MAST4: variants seen among roughly 807,000 people sequenced by gnomAD.
MAST4 encodes the protein microtubule-associated serine/threonine-protein kinase 4.
MAST4 carries 89 observed loss-of-function variants against 162.7 expected under a neutral mutation model. The ratio of observed to expected loss-of-function variants is 0.55; its 90% confidence interval spans 0.46 to 0.65. The LOEUF is 0.65. Ranked by LOEUF, MAST4 falls within the 30% of genes least tolerant of loss-of-function variation. The pLI, the probability that MAST4 is intolerant of heterozygous loss-of-function variation, is 0.00. For missense variants in MAST4, 3,153 were observed against 3,374.0 expected, an observed-to-expected ratio of 0.93 and a Z score of 1.62; for synonymous variants, 1,479 against 1,361.1, an observed-to-expected ratio of 1.09 and a Z score of -1.91.
rs1554049949 is a variant in MAST4, at chr5:66,760,077, C to CTATTTATT, written c.517+257_517+264dup. Reference sequence around the variant, plus strand: ...AATTTACATGCAGTGACAATATCCCCTATTTATTTATTTATTTATTTATTT... The same window carrying CTATTTATT: ...AATTTACATGCAGTGACAATATCCCCTATTTATTTATTTATTTATTTATTTATTTATTT... On this transcript the variant is annotated intron_variant, in intron 2 of 28. Transcript: ENST00000403625. Among the ~76,000 whole-genome samples, 402 of 147,244 alleles carry CTATTTATT rather than the reference C, an allele frequency of 2.7e-3. 2 individuals carry two copies. Among genetic ancestry groups the CTATTTATT allele is most frequent in the Admixed American group, 6.9e-3 (101 of 14,740 alleles).
At chr5:66,919,873 T>A (rs1036013061) in intron 4 of MAST4, among the ~76,000 whole-genome samples, 1 of 152,028 alleles carries the variant, frequency 6.6e-6, no homozygotes, top group Non-Finnish European at 1.5e-5. Context: ...TGGAACTCTT[T>A]CGCTCTCTTT....
intron 1 of MAST4, among the ~76,000 whole-genome samples, chr5:66,601,690 G>A (rs984801162): frequency 7.9e-5 from 12 of 152,208 alleles, no homozygotes; most frequent in Non-Finnish European, 1.2e-4. Flanking sequence ...GTTAGGTGTG[G>A]AGGAGAGAAG....
chr5:66,909,306 G>A (rs1055473930), intron 4 of MAST4, among the ~76,000 whole-genome samples: 2 of 152,136 alleles, frequency 1.3e-5, no homozygotes, highest in Non-Finnish European at 2.9e-5. Flanking sequence ...TTATTAGGCC[G>A]TGAAGGAACT....
chr5:67,104,584 C>G lies in MAST4; in HGVS notation c.1356+9C>G, dbSNP rs1385883481. On this transcript the variant is annotated intron_variant, in intron 10 of 28. Transcript: ENST00000403625. Reference sequence around the variant, plus strand: ...ATAAGTTGCTACAGGAGGTAAGAACCATGTACCATATAGTTTTCTGATTTA... The same window carrying G: ...ATAAGTTGCTACAGGAGGTAAGAACGATGTACCATATAGTTTTCTGATTTA... 14 of 1,606,842 alleles carry G rather than the reference C, an allele frequency of 8.7e-6. No homozygotes were observed. Among genetic ancestry groups the G allele is most frequent in the Non-Finnish European group, 1.0e-5 (12 of 1,175,248 alleles).
rs990484752 is a variant in MAST4, at chr5:66,623,396, A to G, written c.363+26378A>G. ...ACATAGATGCAAAAATCCTCAATAAAGTACTAGCAAATATCATTCAGTAGC... is the reference window on the plus strand; with the variant it reads ...ACATAGATGCAAAAATCCTCAATAAGGTACTAGCAAATATCATTCAGTAGC... On this transcript the variant is annotated intron_variant, in intron 1 of 28. Transcript: ENST00000403625. Among the ~76,000 whole-genome samples the G allele has an allele frequency of 3.3e-5, 5 of 152,234 alleles. 1 individual carries two copies. The highest frequency in any genetic ancestry group is 3.3e-4 in the Admixed American group (5 of 15,288).
chr5:67,147,897 A>G (rs770649775), intron 23 of MAST4, among the ~76,000 whole-genome samples: 1 of 152,222 alleles, frequency 6.6e-6, no homozygotes. Context: ...GAAGTCCATG[A>G]ATCTTTTCCT....
At chr5:66,845,119 A>G (rs1758738023) in intron 3 of MAST4, among the ~76,000 whole-genome samples, 1 of 135,222 alleles carries the variant, frequency 7.4e-6, no homozygotes, top group Admixed American at 7.4e-5. Flanking sequence ...ATATATATAT[A>G]TATATATACA....
At position 67,007,085 on chromosome 5, in the gene MAST4, T is replaced by TAAACC. The variant is rs1478056751; in HGVS notation, c.675-47318_675-47317insAACCA. 5.9e-5 allele frequency among the ~76,000 whole-genome samples: 9 copies of TAAACC among 152,326 alleles called. No homozygotes were observed. In the East Asian group the frequency reaches 1.7e-3, roughly 29 times the overall value. On this transcript the variant is annotated intron_variant, in intron 4 of 28. Transcript: ENST00000403625. The stretch of plus-strand genomic sequence containing the variant: ...CTAGCATTGCTTTATATTTATTATG[T>TAAACC]AGATTCAGAAGGCTAGGTATCCTCA...
intron 5 of MAST4, among the ~76,000 whole-genome samples, chr5:67,058,612 C>T (rs1244984904): frequency 1.3e-5 from 2 of 152,158 alleles, no homozygotes; most frequent in Admixed American, 1.3e-4. Flanking sequence ...GGTGGGCTTT[C>T]ATGTGCTGGT....
intron 4 of MAST4, among the ~76,000 whole-genome samples, chr5:66,951,393 T>A (rs1744655654): frequency 6.6e-6 from 1 of 152,178 alleles, no homozygotes; most frequent in Non-Finnish European, 1.5e-5. Context: ...TTGTCACATC[T>A]TCTTCTCTGT....
intron 3 of MAST4, among the ~76,000 whole-genome samples, chr5:66,844,358 G>A (rs994887727): frequency 7.9e-5 from 12 of 152,094 alleles, no homozygotes; most frequent in African/African-American, 2.7e-4. Context: ...TTTGGACATA[G>A]TATAAGAATG....
intron 5 of MAST4, among the ~76,000 whole-genome samples, chr5:67,084,800 G>T (rs1354855998): frequency 6.6e-6 from 1 of 151,992 alleles, no homozygotes; most frequent in Admixed American, 6.6e-5. Flanking sequence ...ATTTTACTTA[G>T]CATTGTTGAC....
At chr5:66,687,990 T>C (rs1748799742) in intron 1 of MAST4, among the ~76,000 whole-genome samples, 1 of 152,212 alleles carries the variant, frequency 6.6e-6, no homozygotes, top group Non-Finnish European at 1.5e-5. Context: ...AGTCGTTGCA[T>C]AAGTAGTTGG....
intron 14 of MAST4, among the ~76,000 whole-genome samples, chr5:67,128,048 G>T (rs1365816125): frequency 1.3e-5 from 2 of 152,026 alleles, no homozygotes; most frequent in Non-Finnish European, 2.9e-5. Flanking sequence ...CTAGATTTTT[G>T]TTATTTTTTT....
chr5:67,041,456 C>T (rs1404466231), intron 4 of MAST4, among the ~76,000 whole-genome samples: 1 of 152,162 alleles, frequency 6.6e-6, no homozygotes, highest in African/African-American at 2.4e-5. Flanking sequence ...AGAATGTATA[C>T]CAGGGATAAA....
chr5:66,986,956 G>T (rs992693678), intron 4 of MAST4, among the ~76,000 whole-genome samples: 2 of 152,058 alleles, frequency 1.3e-5, no homozygotes, highest in Non-Finnish European at 2.9e-5. Flanking sequence ...ATGTACATGT[G>T]TATGCTCTTA....
intron 4 of MAST4, among the ~76,000 whole-genome samples, chr5:66,975,095 C>G (rs1318558693): frequency 6.6e-6 from 1 of 151,986 alleles, no homozygotes; most frequent in Non-Finnish European, 1.5e-5. Context: ...CATAAGTGCC[C>G]TTGTGAGAGA....
At chr5:67,099,605 T>G (rs1764809631) in intron 7 of MAST4, among the ~76,000 whole-genome samples, 3 of 152,176 alleles carry the variant, frequency 2.0e-5, no homozygotes, top group African/African-American at 7.2e-5. Context: ...CTGAGTCTCT[T>G]TTATTAGAAT....
At chr5:66,741,930 A>G (rs1276395446) in intron 1 of MAST4, among the ~76,000 whole-genome samples, 1 of 152,230 alleles carries the variant, frequency 6.6e-6, no homozygotes, top group African/African-American at 2.4e-5. Context: ...AAATCCCTGT[A>G]TAAGGAGAGG....
Sources: allele counts gnomAD v4.1 joint callset (sites outside exome capture counted in the v4.1 genomes callset), GRCh38; gene constraint gnomAD v4.1.1; transcripts MANE v1.5; gene names NCBI Gene and HGNC (gene_info 2026-07-23, HGNC 2026-07-21).